NWD2: variants seen among roughly 807,000 people sequenced by gnomAD.
NWD2 encodes NACHT and WD repeat domain containing 2, also known as NACHT and WD repeat domain-containing protein 2.
A neutral mutation model predicts 132.7 loss-of-function variants in NWD2; 37 were observed. The observed-to-expected ratio is 0.28, with a 90% confidence interval of 0.21 to 0.37. The LOEUF (loss-of-function observed/expected upper bound fraction) is 0.37. NWD2 is among the 10% of genes least tolerant of loss of function. The pLI is 1.00. For synonymous variants in NWD2, 705 were observed against 803.0 expected (o/e 0.88, Z 2.06); for missense variants, 1,592 against 2,122.4 (o/e 0.75, Z 4.91).
intron 3 of NWD2, among the ~76,000 whole-genome samples, chr4:37,424,396 T>C (rs1711929981): frequency 6.6e-6 from 1 of 152,194 alleles, no homozygotes; most frequent in Non-Finnish European, 1.5e-5. Flanking sequence ...AACATGGCCT[T>C]GGGCAAGCCT....
intron 3 of NWD2, among the ~76,000 whole-genome samples, chr4:37,388,712 AAT>A (rs1328171959): frequency 1.2e-4 from 13 of 112,970 alleles, no homozygotes; most frequent in Admixed American, 3.3e-4. Context: ...ATGATATATA[AAT>A]ATATATATCA....
intron 1 of NWD2, among the ~76,000 whole-genome samples, chr4:37,273,550 G>T (rs1361565778): frequency 6.6e-6 from 1 of 152,046 alleles, no homozygotes; most frequent in Non-Finnish European, 1.5e-5. Context: ...AGGATATCCA[G>T]GAATTAAACT....
intron 1 of NWD2, among the ~76,000 whole-genome samples, chr4:37,246,736 G>A (rs1356822275): frequency 6.6e-6 from 1 of 152,130 alleles, no homozygotes; most frequent in East Asian, 1.9e-4. Flanking sequence ...TTAGTTCTGA[G>A]CTTTTAAAAA....
intron 2 of NWD2, among the ~76,000 whole-genome samples, chr4:37,349,299 A>G (rs564240306): frequency 6.6e-6 from 1 of 152,226 alleles, no homozygotes; most frequent in South Asian, 2.1e-4. Context: ...ACTCCCACCA[A>G]CAGCGTGAAA....
intron 3 of NWD2, among the ~76,000 whole-genome samples, chr4:37,416,003 G>A (rs957733023): frequency 1.3e-5 from 2 of 152,226 alleles, no homozygotes; most frequent in Non-Finnish European, 2.9e-5. Flanking sequence ...GGATGTATGG[G>A]CAACTCAGCT....
chr4:37,324,024 C>T (rs547445521), intron 1 of NWD2, among the ~76,000 whole-genome samples: 8 of 152,202 alleles, frequency 5.3e-5, no homozygotes, highest in South Asian at 2.1e-4. Context: ...GAACAATAGA[C>T]ACTGTGGACA....
intron 1 of NWD2, among the ~76,000 whole-genome samples, chr4:37,263,994 T>C (rs1014899428): frequency 2.0e-5 from 3 of 152,180 alleles, no homozygotes; most frequent in African/African-American, 7.2e-5. Flanking sequence ...TGGGATAGTA[T>C]GTGATGCCTG....
Position 37,446,070 on chromosome 4 carries a change from A to T in NWD2, c.4082A>T (p.Glu1361Val). The change falls in exon 7 of 7, where the codon GAA becomes GTA. Residue 1361 changes from glutamate to valine, a missense_variant. By Grantham distance (121) the Glu-to-Val change is moderately radical. This residue lies in a region of NWD2 where 1,071 missense variants were observed against 1,398.0 expected (regional missense o/e 0.77). Coordinates refer to ENST00000309447, the MANE Select transcript of NWD2 (RefSeq NM_001144990.2). The surrounding 1 kb of genome is among the most constrained non-coding windows in gnomAD (Gnocchi z 6.7). ...EAVFKHEGIV[E>V]HCVLTSTGDI... The stretch of plus-strand genomic sequence containing the variant: ...GTATTCAAGCATGAAGGAATAGTTG[A>T]ACACTGTGTGTTAACATCCACCGGA... 6.4e-7 allele frequency: 1 copy of T among 1,551,808 alleles called. No individual in the cohort carries two copies. Among genetic ancestry groups the T allele is most frequent in the Non-Finnish European group, 8.7e-7 (1 of 1,147,000 alleles).
chr4:37,277,809 A>G (rs948475670), intron 1 of NWD2, among the ~76,000 whole-genome samples: 6 of 152,098 alleles, frequency 3.9e-5, no homozygotes, highest in Non-Finnish European at 7.4e-5. Context: ...TGGTCATTCT[A>G]GTTAACATAT....
At chr4:37,419,693 G>C (rs903983735) in intron 3 of NWD2, among the ~76,000 whole-genome samples, 1 of 152,094 alleles carries the variant, frequency 6.6e-6, no homozygotes, top group African/African-American at 2.4e-5. Context: ...TTATTTCTCT[G>C]TTTTTTAGTT....
intron 3 of NWD2, among the ~76,000 whole-genome samples, chr4:37,407,043 A>G (rs969968471): frequency 4.0e-5 from 6 of 151,474 alleles, no homozygotes; most frequent in Non-Finnish European, 8.8e-5. Context: ...ATGAGAACAC[A>G]TGGACACAGG....
intron 1 of NWD2, among the ~76,000 whole-genome samples, chr4:37,249,288 G>A (rs1190177018): frequency 6.6e-6 from 1 of 152,164 alleles, no homozygotes; most frequent in South Asian, 2.1e-4. Flanking sequence ...AGATGGATTG[G>A]GGAAAACCTT....
In NWD2 at chr4:37,444,252, T is replaced by C. The variant is rs974124108; in HGVS notation, c.2264T>C (p.Met755Thr). 6.4e-7 allele frequency: 1 copy of C among 1,551,548 alleles called. No homozygotes were observed. Among genetic ancestry groups the C allele is most frequent in the African/African-American group, 1.4e-5 (1 of 73,012 alleles). Residue 755 changes from methionine to threonine, a missense_variant, in exon 7 of 7, where the codon ATG becomes ACG. Coordinates refer to ENST00000309447, the MANE Select transcript of NWD2 (RefSeq NM_001144990.2). This position sits in a 1 kb window ranked among gnomAD's most constrained non-coding sequence, Gnocchi z 4.8. The stretch of plus-strand genomic sequence containing the variant: ...CAGGATGACAATGACCTGCGTGAAA[T>C]GCACACCATCTTAGCAGATTATTTT... ...YLQDDNDLREMHTILADYFLG... is the reference protein window; with the variant it reads ...YLQDDNDLRETHTILADYFLG...
intron 3 of NWD2, among the ~76,000 whole-genome samples, chr4:37,386,563 T>C (rs1720567889): frequency 6.6e-6 from 1 of 152,106 alleles, no homozygotes; most frequent in Admixed American, 6.6e-5. Flanking sequence ...TGACCTGTGC[T>C]CTGAGCTCTG....
intron 1 of NWD2, among the ~76,000 whole-genome samples, chr4:37,264,355 A>G (rs1379129441): frequency 2.6e-5 from 4 of 152,178 alleles, no homozygotes; most frequent in African/African-American, 7.2e-5. Flanking sequence ...TCCTGTAAGT[A>G]AAATGATGTT....
chr4:37,325,978 C>A lies in NWD2; in HGVS notation c.194C>A (p.Pro65His), dbSNP rs766188257. The A allele has an allele frequency of 6.5e-7, 1 of 1,548,658 alleles. No homozygotes were observed. Among genetic ancestry groups the A allele is most frequent in the South Asian group, 1.2e-5 (1 of 83,842 alleles). The change falls in exon 2 of 7, where the codon CCT becomes CAT. Residue 65 changes from proline to histidine, a missense_variant. Coordinates refer to ENST00000309447, the MANE Select transcript of NWD2 (RefSeq NM_001144990.2). The stretch of plus-strand genomic sequence containing the variant: ...CAGGCGCTAAGAGAAAATGTATATC[C>A]TAAACTGAGAGAATTCTGCAGAGAA... ...ERQALRENVY[P>H]KLREFCRENY...
At chr4:37,269,841 T>C (rs1717832653) in intron 1 of NWD2, among the ~76,000 whole-genome samples, 1 of 151,862 alleles carries the variant, frequency 6.6e-6, no homozygotes, top group Non-Finnish European at 1.5e-5. Context: ...AGTCTCTATA[T>C]TTTTTCACTT....
chr4:37,306,509 T>G (rs868857364), intron 1 of NWD2, among the ~76,000 whole-genome samples: 1 of 152,198 alleles, frequency 6.6e-6, no homozygotes. Flanking sequence ...TAGGATATTT[T>G]TCATTTGTTT....
intron 2 of NWD2, among the ~76,000 whole-genome samples, chr4:37,350,035 A>G (rs1398286801): frequency 6.6e-6 from 1 of 152,054 alleles, no homozygotes; most frequent in African/African-American, 2.4e-5. Flanking sequence ...TTCCTGTTCC[A>G]TTGGTCTATA....
Sources: gnomAD v4.1 joint callset for allele counts (sites outside exome capture counted in the v4.1 genomes callset) on GRCh38, gnomAD v4.1.1 for gene constraint, gnomAD v4.1.1 regional missense constraint, Gnocchi (gnomAD v3.1) non-coding constraint, MANE v1.5 for transcripts, NCBI Gene and HGNC (gene_info 2026-07-23, HGNC 2026-07-21) for gene names.